Variants in CSNK1G3 observed in about 807,000 individuals in gnomAD.
The protein encoded by CSNK1G3 is casein kinase 1 gamma 3.
A neutral mutation model predicts 64.3 loss-of-function variants in CSNK1G3; 23 were observed. The ratio of observed to expected loss-of-function variants is 0.36; its 90% confidence interval spans 0.26 to 0.51. The LOEUF (loss-of-function observed/expected upper bound fraction) is 0.51. Among genes scored for constraint, CSNK1G3 ranks in the 20% least tolerant of loss-of-function variants. The pLI is 0.96. For synonymous variants in CSNK1G3, 158 were observed against 162.2 expected, an observed-to-expected ratio of 0.97 and a Z score of 0.20; for missense variants, 357 against 510.5, an observed-to-expected ratio of 0.70 and a Z score of 2.90.
chr5:123,614,427 C>T, exon 13 of CSNK1G3: 1 of 1,590,806 alleles, frequency 6.3e-7, no homozygotes, highest in Non-Finnish European at 8.6e-7. Flanking sequence ...TGGGGAGTTA[C>T]TTACATGTTC....
At chr5:123,616,301 G>A (rs1367049231) in exon 13 of CSNK1G3, 3 of 152,536 alleles carry the variant, frequency 2.0e-5, no homozygotes, top group Non-Finnish European at 4.4e-5. Flanking sequence ...GACCAAACTT[G>A]TGTGTCTATG....
intron 1 of CSNK1G3, among the ~76,000 whole-genome samples, chr5:123,515,203 C>G (rs954538085): frequency 6.6e-6 from 1 of 152,162 alleles, no homozygotes; most frequent in Middle Eastern, 3.2e-3. Flanking sequence ...TGTGTCTCCT[C>G]TGATCCATCC....
At chr5:123,560,570 T>C (rs1208238712) in intron 4 of CSNK1G3, among the ~76,000 whole-genome samples, 14 of 152,180 alleles carry the variant, frequency 9.2e-5, no homozygotes, top group Admixed American at 9.2e-4. Flanking sequence ...CTCACGCCTA[T>C]AATCCCAGCA....
exon 13 of CSNK1G3, chr5:123,614,441 T>G: frequency 6.4e-7 from 1 of 1,554,668 alleles, no homozygotes; most frequent in Non-Finnish European, 8.8e-7. Context: ...CATGTTCATC[T>G]GCTGTCTTGT....
chr5:123,537,111 C>T (rs758476209), intron 1 of CSNK1G3, among the ~76,000 whole-genome samples: 1 of 152,074 alleles, frequency 6.6e-6, no homozygotes. Flanking sequence ...AAGAGAAATC[C>T]ACATGTCAAA....
In CSNK1G3 at chr5:123,556,764, T is replaced by TTG. The variant is rs5871049; in HGVS notation, c.220-704_220-703dup. Reference sequence around the variant, plus strand: ...AAACCCATGTTTCCTCTGTACATGTTTGTGTGTGTGTGTGTGTGTGTGTGT... The same window carrying TTG: ...AAACCCATGTTTCCTCTGTACATGTTTGTGTGTGTGTGTGTGTGTGTGTGTGT... On this transcript the variant is annotated intron_variant, in intron 3 of 12. Coordinates refer to ENST00000345990, the Ensembl canonical transcript of CSNK1G3. Among the ~76,000 whole-genome samples the TTG allele has an allele frequency of 3.7e-3, 549 of 148,854 alleles. 1 individual carries two copies. The highest frequency in any genetic ancestry group is 0.013 in the South Asian group (62 of 4,684).
intron 1 of CSNK1G3, among the ~76,000 whole-genome samples, chr5:123,519,536 G>C (rs1251311676): frequency 2.0e-5 from 3 of 151,294 alleles, no homozygotes; most frequent in Admixed American, 6.6e-5. Context: ...CTGCATTGTT[G>C]CTTTCCTTCC....
intron 6 of CSNK1G3, 93 bp downstream of exon 6, chr5:123,576,056 T>C (rs894467141): frequency 1.4e-6 from 1 of 691,014 alleles, no homozygotes; most frequent in Non-Finnish European, 2.4e-6. Flanking sequence ...TTTTGCAGAT[T>C]ATAATAGCTT....
chr5:123,577,892 T>C (rs897555877), intron 6 of CSNK1G3, among the ~76,000 whole-genome samples: 1 of 151,934 alleles, frequency 6.6e-6, no homozygotes, highest in Admixed American at 6.6e-5. Context: ...TCCCCTCCTT[T>C]TCTAGAAGCA....
intron 10 of CSNK1G3, among the ~76,000 whole-genome samples, chr5:123,600,723 A>G (rs766394222): frequency 1.3e-5 from 2 of 152,176 alleles, no homozygotes; most frequent in African/African-American, 2.4e-5. Context: ...GATTTTAAAA[A>G]TCATTGACAA....
intron 4 of CSNK1G3, among the ~76,000 whole-genome samples, chr5:123,570,380 G>A (rs1418771157): frequency 5.1e-5 from 7 of 136,670 alleles, no homozygotes; most frequent in Non-Finnish European, 1.5e-5. Context: ...TTGAAACAGA[G>A]TCTTGCTGTG....
rs572257060 is a variant in CSNK1G3, at chr5:123,587,217, G to A, written c.674-851G>A. 3.7e-4 allele frequency among the ~76,000 whole-genome samples: 57 copies of A among 152,276 alleles called. 1 individual carries two copies. The highest frequency in any genetic ancestry group is 3.1e-3 in the Admixed American group (47 of 15,290). Reference sequence around the variant, plus strand: ...CTTTGAAAAGTTTGCTTTTCTGAAAGCATTAAGTACTGCCTAGATAGTATG... The same window carrying A: ...CTTTGAAAAGTTTGCTTTTCTGAAAACATTAAGTACTGCCTAGATAGTATG... On this transcript the variant is annotated intron_variant, in intron 6 of 12. Coordinates refer to ENST00000345990, the Ensembl canonical transcript of CSNK1G3.
chr5:123,542,849 A>AGAGTGTGTGT (rs1554070090), intron 1 of CSNK1G3, among the ~76,000 whole-genome samples: 1 of 134,848 alleles, frequency 7.4e-6, no homozygotes. Flanking sequence ...GCCTAGATTT[A>AGAGTGTGTGT]GTGTGTGTGT....
chr5:123,567,755 ACATATTAGGTTGG>A (rs1303557726), intron 4 of CSNK1G3, among the ~76,000 whole-genome samples: 1 of 152,222 alleles, frequency 6.6e-6, no homozygotes, highest in Non-Finnish European at 1.5e-5. Flanking sequence ...TATGGGTATG[ACATATTAGGTTGG>A]TGCAAACATA....
intron 1 of CSNK1G3, among the ~76,000 whole-genome samples, chr5:123,543,903 T>A (rs1477755110): frequency 6.6e-6 from 1 of 152,064 alleles, no homozygotes; most frequent in Non-Finnish European, 1.5e-5. Context: ...ATAAATAGAT[T>A]GGGTGTTAGG....
intron 12 of CSNK1G3, among the ~76,000 whole-genome samples, chr5:123,608,383 G>T (rs1331058256): frequency 2.6e-5 from 4 of 152,134 alleles, no homozygotes; most frequent in Non-Finnish European, 4.4e-5. Flanking sequence ...AAGCTGATTA[G>T]CTTCATTAGT....
At position 123,545,556 on chromosome 5, in the gene CSNK1G3, A is replaced by G. The variant is rs891741504; in HGVS notation, c.-108A>G. 7 of 810,820 alleles carry G rather than the reference A, an allele frequency of 8.6e-6. No individual in the cohort carries two copies. The African/African-American group carries it at 1.0e-4, about 12-fold the overall frequency. The allele number at this position is 810,820 out of a possible 1,614,324, so 50.2% of individuals were successfully genotyped here. A position where few individuals can be genotyped will look rare whatever the true frequency, so the allele number is the denominator to read the frequency against. On this transcript the variant is annotated 5_prime_UTR_variant, in exon 2 of 13. Coordinates refer to ENST00000345990, the Ensembl canonical transcript of CSNK1G3. ...TACCTACTGCAATTTGAATGTTAAC[A>G]TTACCCATCTGGTACAGTTACCTAG...
intron 10 of CSNK1G3, 75 bp downstream of exon 11, chr5:123,595,209 A>G: frequency 8.0e-7 from 1 of 1,255,288 alleles, no homozygotes. Context: ...AACTCATGGC[A>G]TGATTTCATA....
chr5:123,554,570 G>A (rs909645184), intron 3 of CSNK1G3, among the ~76,000 whole-genome samples: 4 of 152,154 alleles, frequency 2.6e-5, no homozygotes, highest in Non-Finnish European at 5.9e-5. Context: ...TGTGGGATCC[G>A]CCTGCCTCGG....
Sources: allele counts gnomAD v4.1 joint callset (sites outside exome capture counted in the v4.1 genomes callset), GRCh38; gene constraint gnomAD v4.1.1; transcripts MANE v1.5; gene names NCBI Gene and HGNC (gene_info 2026-07-23, HGNC 2026-07-21).